FTCD: variants seen among roughly 807,000 people sequenced by gnomAD.
FTCD encodes formimidoyltransferase cyclodeaminase.
Under a neutral mutation model 62.9 loss-of-function variants are expected in FTCD, and 76 were observed. The observed-to-expected ratio is 1.21, with a 90% confidence interval of 1.00 to 1.46. The LOEUF (loss-of-function observed/expected upper bound fraction) is 1.46. Among genes scored for constraint, FTCD ranks in the 40% most tolerant of loss-of-function variants. The pLI is 0.00. For synonymous variants in FTCD, 397 were observed against 336.9 expected (o/e 1.18, Z -1.95); for missense variants, 845 against 751.3 (o/e 1.12, Z -1.46).
At chr21:46,145,651 G>A (rs991319077) in intron 9 of FTCD, 73 bp from the exon 10 acceptor site, 250 of 1,262,700 alleles carry the variant, frequency 2.0e-4, no homozygotes, top group South Asian at 1.1e-3. Flanking sequence ...AGAGCCAGGG[G>A]CCCGGGTGAT....
chr21:46,143,468 A>T (rs2079063457), intron 10 of FTCD, among the ~76,000 whole-genome samples: 1 of 152,170 alleles, frequency 6.6e-6, no homozygotes, highest in Non-Finnish European at 1.5e-5. Flanking sequence ...TAAAATAACA[A>T]GAGTTGTACT....
chr21:46,139,111 G>A (rs548227468), intron 10 of FTCD, 188 bp from the exon 11 acceptor site: 31 of 633,928 alleles, frequency 4.9e-5, no homozygotes, highest in East Asian at 2.7e-4. Flanking sequence ...GCAGGGTAGG[G>A]GGGGTCGGGG....
chr21:46,151,976 G>C lies in FTCD; in HGVS notation c.372C>G (p.Tyr124Ter), dbSNP rs777286639. The C allele has an allele frequency of 6.4e-7, 1 of 1,564,498 alleles. No individual in the cohort carries two copies. The highest frequency in any genetic ancestry group is 1.9e-5 in the Admixed American group (1 of 52,872). ...CCATCCTGGCTGCCTCGCCGTACAG[G>C]TAAACTGCAGGAGAGCCCGGCGGTC... is the stretch of plus-strand genomic sequence containing the variant. Reference protein sequence around the residue: ...RLAEELDVPVYLYGEAARMDS... With the variant: ...RLAEELDVPV Residue 124 changes from tyrosine to a stop codon, truncating the protein, a stop_gained, in exon 4 of 14, where the codon TAC (tyrosine) becomes TAG (stop). Transcript: ENST00000397746. LOFTEE classifies it high-confidence loss of function.
intron 7 of FTCD, among the ~76,000 whole-genome samples, chr21:46,149,734 G>A (rs1013405763): frequency 6.6e-6 from 1 of 152,196 alleles, no homozygotes; most frequent in Non-Finnish European, 1.5e-5. Context: ...GAGCCGCTCC[G>A]TGGATGGGGA....
chr21:46,145,709 G>A (rs1415942388), intron 9 of FTCD, 109 bp downstream of exon 9: 9 of 285,224 alleles, frequency 3.2e-5, no homozygotes, highest in East Asian at 1.6e-4. Flanking sequence ...CACCCAGGGC[G>A]GCCCCACCGC....
chr21:46,150,087 CT>C, intron 7 of FTCD, 31 bp downstream of exon 7: 2 of 1,604,290 alleles, frequency 1.2e-6, no homozygotes, highest in South Asian at 1.1e-5. Flanking sequence ...CTGCACGCCC[CT>C]GTCCGACCCT....
chr21:46,149,400 C>T (rs1395409651), intron 7 of FTCD, among the ~76,000 whole-genome samples: 3 of 152,184 alleles, frequency 2.0e-5, no homozygotes, highest in East Asian at 3.9e-4. Flanking sequence ...AAAATATGCC[C>T]GAGACTAAAC....
rs1177876023 is a variant in FTCD at position 46,136,922 on chromosome 21, A to G, written c.*65T>C. 2.5e-6 allele frequency: 4 copies of G among 1,610,018 alleles called. No individual in the cohort carries two copies. In the Admixed American group the frequency reaches 5.0e-5, roughly 20 times the overall value. On this transcript the variant is annotated 3_prime_UTR_variant, in exon 14 of 14. Coordinates refer to ENST00000397746, the MANE Select transcript of FTCD (RefSeq NM_206965.2). Reference sequence around the variant, plus strand: ...AACAAGCTGTGTCCCCACCGAGGTCACAGCTCTGCCCTCTGGGGATGGGCG... The same window carrying G: ...AACAAGCTGTGTCCCCACCGAGGTCGCAGCTCTGCCCTCTGGGGATGGGCG...
In FTCD at chr21:46,155,485, C is replaced by G; in HGVS notation, c.39G>C (p.Glu13Asp). ...CGGGCCTCACCTCCTGGTTCTTCCC[C>G]TCCGAAAAGTTGGGGACGCATTCCA... ...QLVECVPNFS[E>D]GKNQEVIDAI... is the part of the protein sequence containing the mutation. Residue 13 changes from glutamate (E) to aspartate (D), a missense_variant, in exon 1 of 14, where the codon GAG becomes GAC. Coordinates refer to ENST00000397746, the MANE Select transcript of FTCD (RefSeq NM_206965.2). 6.2e-7 allele frequency: 1 copy of G among 1,613,058 alleles called. No homozygotes were observed. Among genetic ancestry groups the G allele is most frequent in the Non-Finnish European group, 8.5e-7 (1 of 1,179,886 alleles).
chr21:46,136,512 C>A (rs761861706), downstream of FTCD: 134 of 1,611,820 alleles, frequency 8.3e-5, no homozygotes, highest in Admixed American at 4.3e-4. Context: ...ATGCACAGAA[C>A]CAGGGCCCCT....
chr21:46,138,482 G>A (rs1448217432), intron 12 of FTCD, 26 bp downstream of exon 12: 1 of 1,569,880 alleles, frequency 6.4e-7, no homozygotes, highest in Non-Finnish European at 8.6e-7. Context: ...GCGGCAGGAG[G>A]CCTGGGGTCC....
chr21:46,137,729 G>C (rs1195586534), intron 12 of FTCD, among the ~76,000 whole-genome samples: 1 of 152,086 alleles, frequency 6.6e-6, no homozygotes, highest in South Asian at 2.1e-4. Flanking sequence ...ACCAGATGCT[G>C]AAAAGAGGCG....
intron 7 of FTCD, among the ~76,000 whole-genome samples, chr21:46,149,416 C>T (rs1473363177): frequency 1.3e-5 from 2 of 152,136 alleles, no homozygotes; most frequent in Non-Finnish European, 2.9e-5. Flanking sequence ...TAAACAAGGA[C>T]GGAATCCACA....
rs1191040995 is a variant in FTCD at position 46,145,553 on chromosome 21, C to T, written c.1124G>A (p.Gly375Asp). 1.3e-6 allele frequency: 2 copies of T among 1,544,630 alleles called. No homozygotes were observed. The highest frequency in any genetic ancestry group is 1.4e-5 in the African/African-American group (1 of 72,898). ...TTGGCGCCGCCCGTAGGTCATGAGG[C>T]CCACCATGGAGCCCAGCGCCGCACC... ...AMGAALGSMVGLMTYGRRQFQ... is the reference protein window; with the variant it reads ...AMGAALGSMVDLMTYGRRQFQ... The change falls in exon 10 of 14, where the codon GGC becomes GAC. Residue 375 changes from glycine to aspartate, a missense_variant. Gly to Asp is a moderately conservative substitution (Grantham distance 94). Transcript: ENST00000397746.
chr21:46,145,936 G>T lies in FTCD; in HGVS notation c.980C>A (p.Pro327His). 6.7e-7 allele frequency: 1 copy of T among 1,502,968 alleles called. No homozygotes were observed. Among genetic ancestry groups the T allele is most frequent in the African/African-American group, 1.5e-5 (1 of 68,874 alleles). 93.1% of individuals were successfully genotyped at this position (1,502,968 alleles called of 1,614,324 possible). A position where few individuals can be genotyped will look rare whatever the true frequency, so the allele number is the denominator to read the frequency against. Residue 327 changes from proline to histidine, a missense_variant, in exon 9 of 14, where the codon CCT becomes CAT. Physicochemically the swap from Pro to His is moderately conservative, Grantham distance 77. Coordinates refer to ENST00000397746, the MANE Select transcript of FTCD (RefSeq NM_206965.2). ...PKERIIEYLV[P>H]ERGPERGLGS... ...CAGGCCTCGCTCAGGCCCGCGCTCA[G>T]GGACCAGGTACCTGCAGGGTGGGCG...
In FTCD at chr21:46,150,491, C is replaced by T. The variant is rs2079243923; in HGVS notation, c.671G>A (p.Trp224Ter). 2 of 1,613,312 alleles carry T rather than the reference C, an allele frequency of 1.2e-6. No individual in the cohort carries two copies. Among genetic ancestry groups the T allele is most frequent in the Non-Finnish European group, 1.7e-6 (2 of 1,179,882 alleles). ...GRLKKVQGIG[W>*]YLDEKNLAQV... ...AGCCAGGTTCTTCTCATCCAGGTAC[C>T]AGCCAATGCCCTGAACTTTCTTCAG... The change falls in exon 6 of 14, where the codon TGG (tryptophan) becomes TAG (stop). Residue 224 changes from tryptophan (W) to a stop codon, truncating the protein, a stop_gained. Transcript: ENST00000397746. LOFTEE classifies it high-confidence loss of function.
At chr21:46,140,496 A>T (rs1450200192) in intron 10 of FTCD, among the ~76,000 whole-genome samples, 8 of 145,920 alleles carry the variant, frequency 5.5e-5, no homozygotes, top group African/African-American at 2.1e-4. Context: ...AGGGAATGTA[A>T]ATCAACCCAG....
At chr21:46,144,389 CCT>C in intron 10 of FTCD, among the ~76,000 whole-genome samples, 1 of 126,392 alleles carries the variant, frequency 7.9e-6, no homozygotes, top group East Asian at 2.4e-4. Flanking sequence ...CCTCTCTCTC[CCT>C]CCCTCTCTCT....
Position 46,154,296 on chromosome 21 carries a change from G to C in FTCD, c.91C>G (p.Pro31Ala). Residue 31 changes from proline to alanine, a missense_variant, in exon 2 of 14, where the codon CCG (proline) becomes GCG (alanine). Pro to Ala is a conservative substitution (Grantham distance 27). Transcript: ENST00000397746. ...DAISGAITQT[P>A]GCVLLDVDAG... Reference sequence around the variant, plus strand: ...TCCACATCCAGCAGCACGCAGCCCGGGGTCTGTGTGATGGCTCCAGAGATG... The same window carrying C: ...TCCACATCCAGCAGCACGCAGCCCGCGGTCTGTGTGATGGCTCCAGAGATG... The C allele has an allele frequency of 6.2e-7, 1 of 1,611,696 alleles. No homozygotes were observed. The highest frequency in any genetic ancestry group is 8.5e-7 in the Non-Finnish European group (1 of 1,179,704).
Sources: gnomAD v4.1 joint callset for allele counts (sites outside exome capture counted in the v4.1 genomes callset) on GRCh38, gnomAD v4.1.1 for gene constraint, MANE v1.5 for transcripts, NCBI Gene and HGNC (gene_info 2026-07-23, HGNC 2026-07-21) for gene names.